The following ATP2A3 variants were observed in gnomAD, a reference collection of about 807,000 sequenced individuals.
The protein encoded by ATP2A3 is sarcoplasmic/endoplasmic reticulum calcium ATPase 3.
ATP2A3 carries 61 observed loss-of-function variants against 106.8 expected under a neutral mutation model. The observed-to-expected ratio is 0.57, with a 90% CI of 0.46 to 0.71. The LOEUF (loss-of-function observed/expected upper bound fraction) is 0.71. Ranked by LOEUF, ATP2A3 falls within the 30% of genes least tolerant of loss-of-function variation. The pLI, the probability that ATP2A3 is intolerant of heterozygous loss-of-function variation, is 0.00. For synonymous variants in ATP2A3, 611 were observed against 609.3 expected, an observed-to-expected ratio of 1.00 and a Z score of -0.04; for missense variants, 1,201 against 1,423.5, an observed-to-expected ratio of 0.84 and a Z score of 2.52.
chr17:3,937,182 C>T, intron 15 of ATP2A3: 1 of 576,608 alleles, frequency 1.7e-6, no homozygotes. Flanking sequence ...GGCGACTCTT[C>T]AGGCACCTCC....
At position 3,929,576 on chromosome 17, in the gene ATP2A3, T is replaced by A; in HGVS notation, c.2745-131A>T. On this transcript the variant is annotated intron_variant, in intron 18 of 20. Transcript: ENST00000397041. This position sits in a 1 kb window ranked among gnomAD's most constrained non-coding sequence, Gnocchi z 4.3. ...GTTGCCCGCTCGGCCTGCCAGGGCC[T>A]GTCCCGGGCTGGGACCCCTTTCTCT... 1 of 760,192 alleles carries A rather than the reference T, an allele frequency of 1.3e-6. No individual in the cohort carries two copies. The highest frequency in any genetic ancestry group is 2.1e-6 in the Non-Finnish European group (1 of 467,858). 47.1% of individuals were successfully genotyped at this position (760,192 alleles called of 1,614,324 possible).
rs1424487659 is a variant in ATP2A3, at chr17:3,924,988, C to T, written c.*434G>A. The T allele has an allele frequency of 5.2e-6, 2 of 386,592 alleles. No homozygotes were observed. The highest frequency in any genetic ancestry group is 2.1e-5 in the African/African-American group (1 of 47,944). The allele number at this position is 386,592 out of a possible 1,614,324, so 23.9% of individuals were successfully genotyped here. On this transcript the variant is annotated 3_prime_UTR_variant, in exon 21 of 21. Coordinates refer to ENST00000397041, the MANE Select transcript of ATP2A3 (RefSeq NM_005173.4). The surrounding 1 kb of genome is among the most constrained non-coding windows in gnomAD (Gnocchi z 6.4). ...GAGGTCAGAGCCGGTAAGAAGGACC[C>T]CCAGAGTCCTCCGTCAGTGCAGAGG...
intron 17 of ATP2A3, among the ~76,000 whole-genome samples, chr17:3,932,880 T>G (rs961364072): frequency 6.6e-6 from 1 of 151,772 alleles, no homozygotes; most frequent in African/African-American, 2.4e-5. Flanking sequence ...TAATGGCCTA[T>G]CCATACATGT....
chr17:3,931,294 C>T lies in ATP2A3; in HGVS notation c.2611-860G>A, dbSNP rs193165076. 1.6e-3 allele frequency among the ~76,000 whole-genome samples: 239 copies of T among 152,118 alleles called. 3 individuals are homozygous for T. The highest frequency in any genetic ancestry group is 7.4e-4 in the Non-Finnish European group (50 of 68,006). The stretch of plus-strand genomic sequence containing the variant: ...TAGCTTCTCTGTAATTAACATGAAG[C>T]GCTCAGGGCTGATAACCCCTATAGC... On this transcript the variant is annotated intron_variant, in intron 17 of 20. Coordinates refer to ENST00000397041, the MANE Select transcript of ATP2A3 (RefSeq NM_005173.4).
Position 3,937,448 on chromosome 17 carries a change from G to C in ATP2A3, c.2289C>G (p.Tyr763Ter). The C allele has an allele frequency of 6.2e-7, 1 of 1,612,922 alleles. No individual in the cohort carries two copies. Among genetic ancestry groups the C allele is most frequent in the Non-Finnish European group, 8.5e-7 (1 of 1,179,156 alleles). The stretch of plus-strand genomic sequence containing the variant: ...CCTCGCCAACATTGGAGGAGATGAG[G>C]TAGCGGATGAATTGCTTCATGTTGC... ...IYSNMKQFIRYLISSNVGEVV... is the reference protein window; with the variant it reads ...IYSNMKQFIR Residue 763 changes from tyrosine (Y) to a stop codon, truncating the protein, a stop_gained, in exon 15 of 21, where the codon TAC becomes TAG. Coordinates refer to ENST00000397041, the MANE Select transcript of ATP2A3 (RefSeq NM_005173.4). LOFTEE classifies it high-confidence loss of function.
intron 17 of ATP2A3, among the ~76,000 whole-genome samples, chr17:3,934,768 C>T (rs1392137508): frequency 2.0e-5 from 3 of 151,774 alleles, no homozygotes; most frequent in Non-Finnish European, 4.4e-5. Context: ...GGTGGTCCAC[C>T]CACCTCGGCC....
Position 3,925,998 on chromosome 17 carries a change from C to T in ATP2A3, c.2981-557G>A, listed in dbSNP as rs569569081. The stretch of plus-strand genomic sequence containing the variant: ...CTGTCCTCAGAGTAAAGTCTAAGCC[C>T]GCCTGTAACCTCCCAGATCTGTCCC... On this transcript the variant is annotated intron_variant, in intron 20 of 20. Transcript: ENST00000397041. This position sits in a 1 kb window ranked among gnomAD's most constrained non-coding sequence, Gnocchi z 4.2. Among the ~76,000 whole-genome samples, 15 of 152,034 alleles carry T rather than the reference C, an allele frequency of 9.9e-5. No individual in the cohort carries two copies. The highest frequency in any genetic ancestry group is 2.7e-4 in the African/African-American group (11 of 41,452).
intron 7 of ATP2A3, among the ~76,000 whole-genome samples, chr17:3,950,167 T>A (rs1398662265): frequency 6.6e-6 from 1 of 151,324 alleles, no homozygotes; most frequent in Non-Finnish European, 1.5e-5. Context: ...AAAATATTTT[T>A]TTTTTTTTTT....
At chr17:3,937,042 C>T in intron 15 of ATP2A3, 1 of 367,672 alleles carries the variant, frequency 2.7e-6, no homozygotes, top group Non-Finnish European at 5.2e-6. Flanking sequence ...ACACCTCTCA[C>T]TCAGGCACTC....
Position 3,951,308 on chromosome 17 carries a change from C to G in ATP2A3, c.406G>C (p.Gly136Arg). ...TCCCGGGCACGGATCCTCTGCACGC[C>G]CTTGCGGTCCGAGCGGATCACCTTG... is the stretch of plus-strand genomic sequence containing the variant. ...MGKVIRSDRK[G>R]VQRIRARDIV... Residue 136 changes from glycine to arginine, a missense_variant, in exon 5 of 21, where the codon GGC (glycine) becomes CGC (arginine). Transcript: ENST00000397041. The G allele has an allele frequency of 6.2e-6, 10 of 1,613,946 alleles. No individual in the cohort carries two copies. Among genetic ancestry groups the G allele is most frequent in the Non-Finnish European group, 8.5e-6 (10 of 1,180,020 alleles).
Position 3,944,749 on chromosome 17 carries a change from C to A in ATP2A3, c.1242G>T (p.Ala414=). 6.2e-7 allele frequency: 1 copy of A among 1,613,146 alleles called. No individual in the cohort carries two copies. The highest frequency in any genetic ancestry group is 8.5e-7 in the Non-Finnish European group (1 of 1,179,676). ...AGTCGTTGCACAGGGCGCAGATGGT[C>A]GCCAGCTCCACCAGCCCGTCGAACT... ...CGQFDGLVEL[A]TICALCNDSA... The change falls in exon 10 of 21, where the codon GCG becomes GCT. Residue 414 remains alanine (A), a synonymous_variant. Coordinates refer to ENST00000397041, the MANE Select transcript of ATP2A3 (RefSeq NM_005173.4).
chr17:3,951,406 C>A lies in ATP2A3; in HGVS notation c.325-17G>T. On this transcript the variant is annotated splice_polypyrimidine_tract_variant and intron_variant, in intron 4 of 20. Coordinates refer to ENST00000397041, the MANE Select transcript of ATP2A3 (RefSeq NM_005173.4). Reference sequence around the variant, plus strand: ...GTTGCGTTCCTGCAGAATAGAAGGCCGGCAGGCAGTCTGTCCCTGCTGCCC... The same window carrying A: ...GTTGCGTTCCTGCAGAATAGAAGGCAGGCAGGCAGTCTGTCCCTGCTGCCC... The A allele has an allele frequency of 6.2e-7, 1 of 1,613,526 alleles. No homozygotes were observed. The highest frequency in any genetic ancestry group is 1.3e-5 in the African/African-American group (1 of 75,038).
At position 3,955,511 on chromosome 17, in the gene ATP2A3, C is replaced by T. The variant is rs989795114; in HGVS notation, c.119-1801G>A. On this transcript the variant is annotated intron_variant, in intron 1 of 20. Transcript: ENST00000397041. The surrounding 1 kb of genome is among the most constrained non-coding windows in gnomAD (Gnocchi z 4.2). Reference sequence around the variant, plus strand: ...GTCCTGCGTCGAGATTAAAATCAAACAGACTTTTTCCTTCTGATCTATTTA... The same window carrying T: ...GTCCTGCGTCGAGATTAAAATCAAATAGACTTTTTCCTTCTGATCTATTTA... 1.3e-5 allele frequency among the ~76,000 whole-genome samples: 2 copies of T among 152,216 alleles called. No homozygotes were observed. The highest frequency in any genetic ancestry group is 2.9e-5 in the Non-Finnish European group (2 of 68,036).
intron 1 of ATP2A3, among the ~76,000 whole-genome samples, chr17:3,957,996 C>G (rs562719892): frequency 2.6e-4 from 40 of 152,294 alleles, no homozygotes; most frequent in African/African-American, 9.1e-4. Context: ...CCTGTGTTCA[C>G]GGAGGCCCAG....
chr17:3,925,255 C>T lies in ATP2A3; in HGVS notation c.*167G>A. On this transcript the variant is annotated 3_prime_UTR_variant, in exon 21 of 21. Coordinates refer to ENST00000397041, the MANE Select transcript of ATP2A3 (RefSeq NM_005173.4). The surrounding 1 kb of genome is among the most constrained non-coding windows in gnomAD (Gnocchi z 4.2). Reference sequence around the variant, plus strand: ...CAGAAGGAAGTGGGGACAGAGACCCCAGGACGGGGCCCGGGGATGGCCATT... The same window carrying T: ...CAGAAGGAAGTGGGGACAGAGACCCTAGGACGGGGCCCGGGGATGGCCATT... 8.8e-7 allele frequency: 1 copy of T among 1,131,082 alleles called. No homozygotes were observed. The highest frequency in any genetic ancestry group is 1.4e-5 in the South Asian group (1 of 73,192). The allele number at this position is 1,131,082 out of a possible 1,614,324, so 70.1% of individuals were successfully genotyped here. A position where few individuals can be genotyped will look rare whatever the true frequency, so the allele number is the denominator to read the frequency against.
In ATP2A3 at chr17:3,950,696, T is replaced by A; in HGVS notation, c.541A>T (p.Thr181Ser). ...GGCCTCCTGGGGGGGGCCTCACCCG[T>A]CAGGATGGACTGGTCCACTCGCAGC... ...TTLRVDQSIL[T>S]GESVSVTKHT... The change falls in exon 6 of 21, where the codon ACG becomes TCG. Residue 181 changes from threonine to serine, a missense_variant. Physicochemically the swap from Thr to Ser is moderately conservative, Grantham distance 58. Around this residue, in one of 2 missense-constraint regions of ATP2A3, gnomAD observed 935 missense variants for 1,176.7 expected, o/e 0.79. Transcript: ENST00000397041. 1 of 1,613,854 alleles carries A rather than the reference T, an allele frequency of 6.2e-7. No individual in the cohort carries two copies.
At chr17:3,941,680 G>A (rs2053788290) in intron 12 of ATP2A3, 26 bp from the exon 13 acceptor site, 2 of 1,600,150 alleles carry the variant, frequency 1.2e-6, no homozygotes, top group East Asian at 2.2e-5. Flanking sequence ...AGGGAGAAGA[G>A]GTAACTCATC....
intron 8 of ATP2A3, among the ~76,000 whole-genome samples, chr17:3,946,020 G>T (rs566901408): frequency 6.6e-6 from 1 of 152,264 alleles, no homozygotes; most frequent in East Asian, 1.9e-4. Flanking sequence ...GGCCGAGGCG[G>T]GTGGATCACG....
At position 3,930,596 on chromosome 17, in the gene ATP2A3, C is replaced by T. The variant is rs1409688522; in HGVS notation, c.2611-162G>A. The T allele has an allele frequency of 1.5e-5, 6 of 409,306 alleles. No homozygotes were observed. The highest frequency in any genetic ancestry group is 7.2e-5 in the South Asian group (4 of 55,390). 25.4% of individuals were successfully genotyped at this position (409,306 alleles called of 1,614,324 possible). A position where few individuals can be genotyped will look rare whatever the true frequency, so the allele number is the denominator to read the frequency against. ...GGGGATCCCGGGAGGGGTGCGGGGT[C>T]GGGGCGGCGGTGGGGAGAGCTGCAC... On this transcript the variant is annotated intron_variant, in intron 17 of 20. Transcript: ENST00000397041. The surrounding 1 kb of genome is among the most constrained non-coding windows in gnomAD (Gnocchi z 5.4).
Sources: allele counts gnomAD v4.1 joint callset (sites outside exome capture counted in the v4.1 genomes callset), GRCh38; gene constraint gnomAD v4.1.1; regional missense constraint gnomAD v4.1.1; non-coding constraint Gnocchi (gnomAD v3.1); transcripts MANE v1.5; gene names NCBI Gene and HGNC (gene_info 2026-07-23, HGNC 2026-07-21).